Variants in DLEC1 observed in about 807,000 individuals in gnomAD.
DLEC1 encodes deleted in lung and esophageal cancer protein 1.
Under a neutral mutation model 198.1 loss-of-function variants are expected in DLEC1, and 146 were observed. The ratio of observed to expected loss-of-function variants is 0.74; its 90% confidence interval spans 0.64 to 0.85. DLEC1 has a LOEUF of 0.85. DLEC1 is among the 40% of genes least tolerant of loss of function. The pLI, the probability that DLEC1 is intolerant of heterozygous loss-of-function variation, is 0.00. For missense variants in DLEC1, 2,233 were observed against 2,220.0 expected, an observed-to-expected ratio of 1.01 and a Z score of -0.12; for synonymous variants, 897 against 866.8, an observed-to-expected ratio of 1.03 and a Z score of -0.61.
intron 19 of DLEC1, among the ~76,000 whole-genome samples, chr3:38,104,295 A>G (rs963816297): frequency 6.6e-6 from 1 of 152,070 alleles, no homozygotes; most frequent in African/African-American, 2.4e-5. Context: ...CATTTCTACT[A>G]AAAATACAAA....
intron 2 of DLEC1, among the ~76,000 whole-genome samples, chr3:38,053,480 C>T (rs1701242391): frequency 2.0e-5 from 3 of 152,068 alleles, no homozygotes; most frequent in Non-Finnish European, 4.4e-5. Flanking sequence ...TGCCCAGCCG[C>T]CCTGTCTGAG....
intron 7 of DLEC1, among the ~76,000 whole-genome samples, chr3:38,084,560 A>AGTGGTAGTAGTGGTG (rs1698320391): frequency 9.1e-4 from 1 of 1,102 alleles, no homozygotes. Context: ...TGGTAGTAGT[A>AGTGGTAGTAGTGGTG]GTGGTAGTAG....
At chr3:38,084,424 T>C (rs1698269509) in intron 7 of DLEC1, among the ~76,000 whole-genome samples, 179 bp downstream of exon 7, 1 of 147,722 alleles carries the variant, frequency 6.8e-6, no homozygotes, top group Non-Finnish European at 1.5e-5. Context: ...GTAGTAGTGG[T>C]AGTAGTAGTA....
chr3:38,059,714 C>T (rs751467584), intron 2 of DLEC1, 28 bp from the exon 3 acceptor site: 11 of 1,595,650 alleles, frequency 6.9e-6, no homozygotes, highest in Non-Finnish European at 9.4e-6. Context: ...GCTGGAAACA[C>T]CTTGTTCTCC....
In DLEC1 at chr3:38,084,988, C is replaced by G. The variant is rs919278558; in HGVS notation, c.1262-286C>G. 7.9e-5 allele frequency among the ~76,000 whole-genome samples: 12 copies of G among 152,332 alleles called. No individual in the cohort carries two copies. The East Asian group carries it at 2.1e-3, about 27-fold the overall frequency. On this transcript the variant is annotated intron_variant, in intron 7 of 36. Coordinates refer to ENST00000308059, the MANE Select transcript of DLEC1 (RefSeq NM_007335.4). ...CCGTTCAGAAATCTCAAAAGTTTCT[C>G]TGCTATCCACCAAAGAAATTCTAAG...
At chr3:38,075,848 A>G (rs1437711536) in intron 6 of DLEC1, among the ~76,000 whole-genome samples, 1 of 151,612 alleles carries the variant, frequency 6.6e-6, no homozygotes, top group Non-Finnish European at 1.5e-5. Flanking sequence ...CTAGAAAAGC[A>G]GAGAAGGGGT....
intron 3 of DLEC1, 40 bp from the exon 4 acceptor site, chr3:38,062,129 C>T (rs1403677901): frequency 4.3e-6 from 7 of 1,610,186 alleles, no homozygotes; most frequent in Non-Finnish European, 5.9e-6. Context: ...CACCTCCTCA[C>T]CTTGTTGCAG....
intron 2 of DLEC1, among the ~76,000 whole-genome samples, chr3:38,059,394 T>C (rs1305262776): frequency 6.6e-6 from 1 of 152,260 alleles, no homozygotes; most frequent in Non-Finnish European, 1.5e-5. Flanking sequence ...CTGTCTCTAG[T>C]AGCAGGCACT....
intron 2 of DLEC1, among the ~76,000 whole-genome samples, chr3:38,055,172 T>C (rs1696290441): frequency 6.6e-6 from 1 of 151,744 alleles, no homozygotes; most frequent in South Asian, 2.1e-4. Flanking sequence ...ACATAAGAAG[T>C]GTGGAGGTCA....
chr3:38,083,826 C>T (rs1424622721), intron 6 of DLEC1, among the ~76,000 whole-genome samples: 1 of 149,906 alleles, frequency 6.7e-6, no homozygotes, highest in African/African-American at 2.5e-5. Context: ...GAGAGAGTCT[C>T]TTCATGTTGT....
At chr3:38,084,613 A>AGTAGTAGTGGTG (rs1365059954) in intron 7 of DLEC1, among the ~76,000 whole-genome samples, 2 of 22,668 alleles carry the variant, frequency 8.8e-5, no homozygotes, top group African/African-American at 3.7e-4. Context: ...CAGTAGCAGT[A>AGTAGTAGTGGTG]GCAGTACTGC....
chr3:38,092,951 T>A (rs1009089935), intron 11 of DLEC1, 71 bp downstream of exon 11: 41 of 1,400,696 alleles, frequency 2.9e-5, no homozygotes, highest in Admixed American at 8.5e-5. Flanking sequence ...CTGACCACAG[T>A]AGCATTAGCG....
rs1383910310 is a variant in DLEC1 at position 38,110,228 on chromosome 3, C to T, written c.3390C>T (p.Leu1130=). The change falls in exon 23 of 37, where the codon CTC becomes CTT. Residue 1130 remains leucine (L), a synonymous_variant. Coordinates refer to ENST00000308059, the MANE Select transcript of DLEC1 (RefSeq NM_007335.4). ...CCCCAATACGGACCCGTTTCTCCCT[C>T]AAGTTTGAGTATTTCGGGAGCCCCC... ...NRSPIRTRFS[L]KFEYFGSPQN... The T allele has an allele frequency of 1.2e-6, 2 of 1,614,070 alleles. No homozygotes were observed. The highest frequency in any genetic ancestry group is 2.7e-5 in the African/African-American group (2 of 74,930).
At chr3:38,088,234 C>T in intron 9 of DLEC1, 62 bp from the exon 10 acceptor site, 5 of 1,445,142 alleles carry the variant, frequency 3.5e-6, no homozygotes, top group Non-Finnish European at 4.8e-6. Context: ...GAGAAGTTTG[C>T]AATCTGAATA....
At chr3:38,082,851 C>A (rs28450308) in intron 6 of DLEC1, among the ~76,000 whole-genome samples, 52,181 of 151,816 alleles carry the variant, frequency 0.34, 9,292 homozygotes, top group East Asian at 0.54. Context: ...TGGTCTGACA[C>A]CTTTGAAACG....
chr3:38,077,842 G>A (rs976209292), intron 6 of DLEC1, among the ~76,000 whole-genome samples: 26 of 152,066 alleles, frequency 1.7e-4, no homozygotes, highest in Non-Finnish European at 2.9e-4. Context: ...GGAAGGGAGG[G>A]GGCCTGAATA....
intron 6 of DLEC1, among the ~76,000 whole-genome samples, chr3:38,069,528 C>A (rs116277648): frequency 2.0e-5 from 3 of 152,078 alleles, no homozygotes; most frequent in African/African-American, 4.8e-5. Context: ...TCTTTGAAAC[C>A]CAGGAACGCA....
In DLEC1 at chr3:38,110,207, A is replaced by T. The variant is rs1699789647; in HGVS notation, c.3369A>T (p.Pro1123=). 6.2e-7 allele frequency: 1 copy of T among 1,614,172 alleles called. No individual in the cohort carries two copies. The highest frequency in any genetic ancestry group is 1.3e-5 in the African/African-American group (1 of 75,048). Residue 1123 remains proline, a synonymous_variant, in exon 23 of 37, where the codon CCA becomes CCT. Transcript: ENST00000308059. The stretch of plus-strand genomic sequence containing the variant: ...AGCTCATTCTCACCAATCGCTCCCC[A>T]ATACGGACCCGTTTCTCCCTCAAGT... ...TRQLILTNRS[P]IRTRFSLKFE... is the part of the protein sequence containing the mutation.
chr3:38,085,128 G>T, intron 7 of DLEC1, 146 bp from the exon 8 acceptor site: 1 of 827,386 alleles, frequency 1.2e-6, no homozygotes, highest in South Asian at 1.6e-5. Flanking sequence ...CCCCTCGCAT[G>T]CCCTTTTCCT....
Sources: allele counts gnomAD v4.1 joint callset (sites outside exome capture counted in the v4.1 genomes callset), GRCh38; gene constraint gnomAD v4.1.1; transcripts MANE v1.5; gene names NCBI Gene and HGNC (gene_info 2026-07-23, HGNC 2026-07-21).